CSMD1: variants seen among roughly 807,000 people sequenced by gnomAD.
CSMD1 encodes CUB and Sushi multiple domains 1.
Under a neutral mutation model 417.5 loss-of-function variants are expected in CSMD1, and 213 were observed. That is an observed-to-expected ratio of 0.51 (90% CI 0.46 to 0.57). CSMD1 has a LOEUF of 0.57. Ranked by LOEUF, CSMD1 falls within the 20% of genes least tolerant of loss-of-function variation. The pLI is 0.00. For missense variants in CSMD1, 6,923 were observed against 4,529.7 expected (o/e 1.53, Z -15.17); for synonymous variants, 2,862 against 1,736.8 (o/e 1.65, Z -16.11).
intron 7 of CSMD1, among the ~76,000 whole-genome samples, chr8:3,655,576 C>T (rs935015850): frequency 6.6e-6 from 1 of 152,080 alleles, no homozygotes; most frequent in African/African-American, 2.4e-5. Flanking sequence ...AGAGAACCCC[C>T]ACTGATGAAT....
At chr8:4,156,954 C>CTT (rs1796868826) in intron 3 of CSMD1, among the ~76,000 whole-genome samples, 5 of 152,226 alleles carry the variant, frequency 3.3e-5, no homozygotes, top group African/African-American at 1.2e-4. Context: ...ATCCAACCAA[C>CTT]TTTGCAACTG....
intron 3 of CSMD1, among the ~76,000 whole-genome samples, chr8:4,142,965 T>A (rs909954484): frequency 6.7e-6 from 1 of 148,794 alleles, no homozygotes; most frequent in Non-Finnish European, 1.5e-5. Context: ...CCAGAAACTA[T>A]CAGATGCTTA....
intron 3 of CSMD1, among the ~76,000 whole-genome samples, chr8:4,048,667 G>A (rs995456107): frequency 2.6e-5 from 4 of 152,150 alleles, no homozygotes; most frequent in African/African-American, 7.2e-5. Flanking sequence ...AACCACAGAG[G>A]AAAGTGTGAT....
intron 21 of CSMD1, among the ~76,000 whole-genome samples, chr8:3,354,781 T>C (rs1808631429): frequency 1.6e-5 from 2 of 121,938 alleles, no homozygotes; most frequent in African/African-American, 6.8e-5. Context: ...AGTTTAGTGA[T>C]ATATATATAT....
At chr8:4,595,835 T>C (rs745320445) in intron 2 of CSMD1, among the ~76,000 whole-genome samples, 9 of 152,196 alleles carry the variant, frequency 5.9e-5, no homozygotes, top group Non-Finnish European at 7.4e-5. Context: ...TTTTCCTTCC[T>C]GGACACTGAC....
chr8:3,750,226 GA>G (rs1797266128), intron 6 of CSMD1, among the ~76,000 whole-genome samples: 1 of 151,914 alleles, frequency 6.6e-6, no homozygotes, highest in South Asian at 2.1e-4. Context: ...GACCATAAAT[GA>G]TAAACGTGAC....
intron 3 of CSMD1, among the ~76,000 whole-genome samples, chr8:4,092,161 A>C (rs911270148): frequency 6.6e-6 from 1 of 152,224 alleles, no homozygotes; most frequent in Non-Finnish European, 1.5e-5. Context: ...ATTCTACTAA[A>C]GAGGACAATT....
At chr8:4,231,949 ACCT>A (rs1474912291) in intron 3 of CSMD1, among the ~76,000 whole-genome samples, 3 of 151,942 alleles carry the variant, frequency 2.0e-5, no homozygotes, top group Non-Finnish European at 2.9e-5. Flanking sequence ...TTCCTTTTCT[ACCT>A]CCTCCTTTCT....
chr8:3,887,940 A>C (rs1009945276), intron 5 of CSMD1, among the ~76,000 whole-genome samples: 9 of 152,226 alleles, frequency 5.9e-5, no homozygotes, highest in Non-Finnish European at 1.3e-4. Context: ...GAATACTTTC[A>C]ATAGCAATAC....
intron 1 of CSMD1, among the ~76,000 whole-genome samples, chr8:4,935,628 G>T (rs1333155146): frequency 1.3e-5 from 2 of 152,080 alleles, no homozygotes; most frequent in African/African-American, 2.4e-5. Context: ...TCCAAAATGT[G>T]GATTCACTCT....
At chr8:4,475,688 C>G (rs1205600817) in intron 2 of CSMD1, among the ~76,000 whole-genome samples, 1 of 27,398 alleles carries the variant, frequency 3.6e-5, no homozygotes, top group Admixed American at 5.7e-4. Flanking sequence ...ATGATCTCAG[C>G]TCACTGCAGC....
rs541495601 is a variant in CSMD1 at position 4,323,582 on chromosome 8, T to C, written c.415+96371A>G. Among the ~76,000 whole-genome samples the C allele has an allele frequency of 2.6e-5, 4 of 152,218 alleles. No homozygotes were observed. In the South Asian group the frequency reaches 6.2e-4, roughly 24 times the overall value. ...GTCATATATCTGCTTTCCAAGGTGT[T>C]TGAGTGGCTGATACCCAAAGTCAAC... On this transcript the variant is annotated intron_variant, in intron 3 of 69. Transcript: ENST00000635120.
At chr8:3,498,927 T>G (rs894190050) in intron 10 of CSMD1, among the ~76,000 whole-genome samples, 8 of 152,228 alleles carry the variant, frequency 5.3e-5, no homozygotes, top group African/African-American at 1.9e-4. Flanking sequence ...CTATTTTTAT[T>G]CTACTGATTC....
At chr8:4,803,008 A>T (rs1798390446) in intron 1 of CSMD1, among the ~76,000 whole-genome samples, 1 of 152,180 alleles carries the variant, frequency 6.6e-6, no homozygotes, top group South Asian at 2.1e-4. Flanking sequence ...CAGTAAAGTC[A>T]CCAGATATCA....
At chr8:4,775,359 T>C (rs932739619) in intron 1 of CSMD1, among the ~76,000 whole-genome samples, 2 of 152,186 alleles carry the variant, frequency 1.3e-5, no homozygotes, top group Non-Finnish European at 2.9e-5. Flanking sequence ...CGAATTTTTA[T>C]AGAAAAGTGT....
At chr8:3,913,423 C>G (rs1006249735) in intron 5 of CSMD1, among the ~76,000 whole-genome samples, 5 of 152,062 alleles carry the variant, frequency 3.3e-5, no homozygotes, top group African/African-American at 4.8e-5. Flanking sequence ...TGGGATGTGT[C>G]CCAGAAGCAA....
At chr8:3,740,549 T>G (rs2129050152) in intron 6 of CSMD1, among the ~76,000 whole-genome samples, 1 of 152,192 alleles carries the variant, frequency 6.6e-6, no homozygotes, top group South Asian at 2.1e-4. Flanking sequence ...GGAGAAGGAT[T>G]TCTGCCACAG....
At chr8:3,519,388 A>C (rs1797409150) in intron 10 of CSMD1, among the ~76,000 whole-genome samples, 1 of 152,234 alleles carries the variant, frequency 6.6e-6, no homozygotes, top group African/African-American at 2.4e-5. Flanking sequence ...TGGATTATGC[A>C]TATCAATTCA....
chr8:3,628,257 C>G (rs1796592524), intron 7 of CSMD1, among the ~76,000 whole-genome samples: 1 of 152,030 alleles, frequency 6.6e-6, no homozygotes, highest in Non-Finnish European at 1.5e-5. Flanking sequence ...ATAGTTCTTT[C>G]TTTAAAGAGA....
Sources: allele counts gnomAD v4.1 joint callset (sites outside exome capture counted in the v4.1 genomes callset), GRCh38; gene constraint gnomAD v4.1.1; transcripts MANE v1.5; gene names NCBI Gene and HGNC (gene_info 2026-07-23, HGNC 2026-07-21).